The following GRID1 variants were observed in gnomAD, a reference collection of about 807,000 sequenced individuals.
GRID1 encodes glutamate receptor ionotropic, delta-1.
A neutral mutation model predicts 98.0 loss-of-function variants in GRID1; 28 were observed. The observed-to-expected ratio is 0.29, with a 90% CI of 0.21 to 0.39. The LOEUF (loss-of-function observed/expected upper bound fraction) is 0.39. Among genes scored for constraint, GRID1 ranks in the 10% least tolerant of loss-of-function variants. The pLI is 1.00. For synonymous variants in GRID1, 553 were observed against 538.5 expected, an observed-to-expected ratio of 1.03 and a Z score of -0.37; for missense variants, 1,111 against 1,340.5, an observed-to-expected ratio of 0.83 and a Z score of 2.67.
intron 3 of GRID1, among the ~76,000 whole-genome samples, chr10:86,147,872 C>A (rs1243956521): frequency 6.6e-6 from 1 of 152,182 alleles, no homozygotes; most frequent in Non-Finnish European, 1.5e-5. Context: ...CACCCCAGGG[C>A]CAGGTACCAG....
At chr10:86,291,310 C>T (rs754246239) in intron 2 of GRID1, among the ~76,000 whole-genome samples, 11 of 152,222 alleles carry the variant, frequency 7.2e-5, no homozygotes, top group African/African-American at 2.4e-4. Flanking sequence ...ACTGACTCCT[C>T]GCCCTAGCCT....
At chr10:85,733,727 T>C (rs993440728) in intron 8 of GRID1, among the ~76,000 whole-genome samples, 3 of 152,182 alleles carry the variant, frequency 2.0e-5, no homozygotes, top group South Asian at 2.1e-4. Flanking sequence ...AAACAGTCTA[T>C]TATAAAATAG....
intron 12 of GRID1, among the ~76,000 whole-genome samples, chr10:85,666,260 C>G (rs1365045762): frequency 2.0e-5 from 3 of 152,172 alleles, no homozygotes; most frequent in Non-Finnish European, 2.9e-5. Flanking sequence ...TATTGAAAAC[C>G]AGGTTTGACT....
At chr10:85,730,242 A>G (rs1442413585) in intron 8 of GRID1, among the ~76,000 whole-genome samples, 1 of 152,242 alleles carries the variant, frequency 6.6e-6, no homozygotes, top group African/African-American at 2.4e-5. Flanking sequence ...AGTATATCCA[A>G]TAGCCAGAGG....
chr10:85,618,044 A>T (rs1842812278), intron 14 of GRID1, among the ~76,000 whole-genome samples: 1 of 152,196 alleles, frequency 6.6e-6, no homozygotes, highest in Admixed American at 6.5e-5. Flanking sequence ...CTCCAGGTTG[A>T]GTATTCTCAG....
chr10:86,287,078 T>C (rs1035914085), intron 2 of GRID1, among the ~76,000 whole-genome samples: 3 of 152,052 alleles, frequency 2.0e-5, no homozygotes, highest in Admixed American at 1.3e-4. Context: ...CCCTAAAGGC[T>C]GAGAAGGTGA....
intron 8 of GRID1, among the ~76,000 whole-genome samples, chr10:85,841,182 C>T (rs1842958128): frequency 6.6e-6 from 1 of 152,064 alleles, no homozygotes; most frequent in Non-Finnish European, 1.5e-5. Context: ...ACAAATAAGT[C>T]CACACACATA....
At chr10:85,770,589 C>T (rs374217809) in intron 8 of GRID1, among the ~76,000 whole-genome samples, 70 of 152,158 alleles carry the variant, frequency 4.6e-4, no homozygotes, top group East Asian at 3.5e-3. Flanking sequence ...AAAACTTAGA[C>T]GAATGTATAA....
intron 4 of GRID1, among the ~76,000 whole-genome samples, chr10:85,958,606 C>A (rs1375960967): frequency 2.6e-5 from 4 of 152,100 alleles, no homozygotes; most frequent in African/African-American, 9.7e-5. Context: ...TAAGGTAGAT[C>A]ACCCCCACTA....
chr10:86,106,484 T>C (rs1329786904), intron 4 of GRID1, among the ~76,000 whole-genome samples: 1 of 149,114 alleles, frequency 6.7e-6, no homozygotes, highest in Admixed American at 6.7e-5. Context: ...GGGAGGGGCC[T>C]GCTTCAGGTG....
At chr10:85,655,557 A>G (rs1840885230) in intron 12 of GRID1, among the ~76,000 whole-genome samples, 1 of 152,208 alleles carries the variant, frequency 6.6e-6, no homozygotes, top group Non-Finnish European at 1.5e-5. Flanking sequence ...GATCCAAGCT[A>G]AACACCAGCA....
At chr10:85,743,444 T>C (rs1046455812) in intron 8 of GRID1, among the ~76,000 whole-genome samples, 1 of 152,122 alleles carries the variant, frequency 6.6e-6, no homozygotes, top group Non-Finnish European at 1.5e-5. Flanking sequence ...GGGGTTGTCA[T>C]GCAGTAATAG....
intron 3 of GRID1, among the ~76,000 whole-genome samples, chr10:86,162,245 A>G (rs553886920): frequency 6.6e-6 from 1 of 152,310 alleles, no homozygotes; most frequent in South Asian, 2.1e-4. Context: ...AAAAGGGAAG[A>G]GGGTGCAGCC....
chr10:85,599,788 T>TAAAAAAAAAAAAAAAAAAAAAAAAA lies in GRID1; in HGVS notation c.*2484_*2485insTTTTTTTTTTTTTTTTTTTTTTTTT, dbSNP rs1220249442. On this transcript the variant is annotated 3_prime_UTR_variant, in exon 16 of 16. Transcript: ENST00000327946. ...CCCTCATGCCAAGGGTAGAAAATTC[T>TAAAAAAAAAAAAAAAAAAAAAAAAA]AAAAAAAAAAAAAAATATATATATA... 4 of 76,116 alleles carry TAAAAAAAAAAAAAAAAAAAAAAAAA rather than the reference T, an allele frequency of 5.3e-5. No homozygotes were observed. Among genetic ancestry groups the TAAAAAAAAAAAAAAAAAAAAAAAAA allele is most frequent in the African/African-American group, 8.5e-5 (1 of 11,718 alleles). 4.7% of individuals were successfully genotyped at this position (76,116 alleles called of 1,614,324 possible).
chr10:86,131,016 ACT>A (rs1378046154), intron 4 of GRID1, among the ~76,000 whole-genome samples: 1 of 152,012 alleles, frequency 6.6e-6, no homozygotes, highest in Non-Finnish European at 1.5e-5. Context: ...GGGTCAGGGA[ACT>A]CTCTTATCTC....
intron 4 of GRID1, among the ~76,000 whole-genome samples, chr10:86,136,609 T>C (rs12251709): frequency 0.026 from 3,928 of 152,308 alleles, 179 homozygotes; most frequent in African/African-American, 0.089. Flanking sequence ...GCCAGAGCCA[T>C]CGTGGGCACC....
At chr10:85,961,504 C>CT (rs1273109949) in intron 4 of GRID1, among the ~76,000 whole-genome samples, 1 of 151,794 alleles carries the variant, frequency 6.6e-6, no homozygotes, top group Non-Finnish European at 1.5e-5. Context: ...CAACCACCGT[C>CT]TGTCCTCCCT....
intron 5 of GRID1, among the ~76,000 whole-genome samples, chr10:85,901,187 A>G (rs1554838753): frequency 6.6e-6 from 1 of 152,100 alleles, no homozygotes; most frequent in Non-Finnish European, 1.5e-5. Flanking sequence ...GTTACAAAGA[A>G]GAGCTATCTT....
chr10:85,690,308 T>A (rs1841317945), intron 12 of GRID1, among the ~76,000 whole-genome samples: 1 of 152,204 alleles, frequency 6.6e-6, no homozygotes, highest in African/African-American at 2.4e-5. Flanking sequence ...GATTAGTATG[T>A]CTTTGCTCTC....
Sources: allele counts gnomAD v4.1 joint callset (sites outside exome capture counted in the v4.1 genomes callset), GRCh38; gene constraint gnomAD v4.1.1; transcripts MANE v1.5; gene names NCBI Gene and HGNC (gene_info 2026-07-23, HGNC 2026-07-21).